Variants in DOK6 observed in about 807,000 individuals in gnomAD.
DOK6 encodes docking protein 6.
DOK6 carries 22 observed loss-of-function variants against 44.0 expected under a neutral mutation model. That is an observed-to-expected ratio of 0.50 (90% CI 0.36 to 0.71). The LOEUF (loss-of-function observed/expected upper bound fraction) is 0.71. Among genes scored for constraint, DOK6 ranks in the 30% least tolerant of loss-of-function variants. The pLI, the probability that DOK6 is intolerant of heterozygous loss-of-function variation, is 0.00. For missense variants in DOK6, 340 were observed against 416.4 expected (o/e 0.82, Z 1.60); for synonymous variants, 166 against 145.5 (o/e 1.14, Z -1.01).
Position 69,669,409 on chromosome 18 carries a change from C to T in DOK6, c.290-8325C>T, listed in dbSNP as rs568344681. ...TAGGATACTAGCCTCCAGCTGCATC[C>T]ATGCTGCTACAAAGGACATCATTTT... On this transcript the variant is annotated intron_variant, in intron 3 of 7. Coordinates refer to ENST00000382713, the MANE Select transcript of DOK6 (RefSeq NM_152721.6). Among the ~76,000 whole-genome samples, 36 of 152,016 alleles carry T rather than the reference C, an allele frequency of 2.4e-4. No individual in the cohort carries two copies. The South Asian group carries it at 6.6e-3, about 28-fold the overall frequency.
chr18:69,661,362 G>A (rs78451993), intron 3 of DOK6: 10,411 of 152,156 alleles, frequency 0.068, 445 homozygotes, highest in Admixed American at 0.11. Context: ...CATCAACAAC[G>A]GCCTCACATC....
intron 1 of DOK6, among the ~76,000 whole-genome samples, chr18:69,514,527 A>G (rs1427828724): frequency 6.6e-6 from 1 of 151,888 alleles, no homozygotes; most frequent in African/African-American, 2.4e-5. Flanking sequence ...TCTGATTCAT[A>G]TAGGAACTTT....
At chr18:69,528,701 T>TA (rs1981903287) in intron 1 of DOK6, among the ~76,000 whole-genome samples, 1 of 152,242 alleles carries the variant, frequency 6.6e-6, no homozygotes, top group South Asian at 2.1e-4. Context: ...CCATCATCCA[T>TA]GACGTAGCTC....
At chr18:69,652,070 C>G (rs1985244158) in intron 3 of DOK6, among the ~76,000 whole-genome samples, 1 of 152,114 alleles carries the variant, frequency 6.6e-6, no homozygotes, top group African/African-American at 2.4e-5. Context: ...CTTATGACAG[C>G]AATGGCTCCC....
chr18:69,647,342 T>C (rs1236200490), intron 3 of DOK6: 1 of 152,166 alleles, frequency 6.6e-6, no homozygotes, highest in African/African-American at 2.4e-5. Flanking sequence ...ACTGGCTCTC[T>C]TGGTTGAAGG....
intron 3 of DOK6, among the ~76,000 whole-genome samples, chr18:69,672,194 T>C (rs546728531): frequency 2.4e-4 from 36 of 152,268 alleles, no homozygotes; most frequent in Admixed American, 5.2e-4. Flanking sequence ...AGGAAATAAA[T>C]GCACTTCCTA....
intron 5 of DOK6, among the ~76,000 whole-genome samples, chr18:69,713,248 G>A (rs1181177885): frequency 2.0e-5 from 3 of 152,168 alleles, no homozygotes; most frequent in Non-Finnish European, 4.4e-5. Flanking sequence ...ATTATTCAAC[G>A]AGATCTCAAA....
At chr18:69,582,497 T>C (rs1983394039) in intron 2 of DOK6, among the ~76,000 whole-genome samples, 1 of 152,202 alleles carries the variant, frequency 6.6e-6, no homozygotes, top group Non-Finnish European at 1.5e-5. Flanking sequence ...TATATATTAA[T>C]GACTGTACAA....
At chr18:69,668,797 A>G (rs1985723205) in intron 3 of DOK6, among the ~76,000 whole-genome samples, 1 of 152,190 alleles carries the variant, frequency 6.6e-6, no homozygotes, top group African/African-American at 2.4e-5. Flanking sequence ...TTTATATCTC[A>G]ATCTTTACAA....
intron 1 of DOK6, among the ~76,000 whole-genome samples, chr18:69,511,483 T>C (rs1470860519): frequency 6.6e-6 from 1 of 152,138 alleles, no homozygotes; most frequent in African/African-American, 2.4e-5. Context: ...TCTATAAAAC[T>C]TTACTTCAGT....
At chr18:69,761,840 C>T (rs141455502) in intron 7 of DOK6, among the ~76,000 whole-genome samples, 1 of 152,224 alleles carries the variant, frequency 6.6e-6, no homozygotes, top group African/African-American at 2.4e-5. Context: ...AATATGTTAG[C>T]AGTGGCAGAT....
chr18:69,552,608 C>T (rs1396916766), intron 1 of DOK6, among the ~76,000 whole-genome samples: 2 of 152,198 alleles, frequency 1.3e-5, no homozygotes, highest in Non-Finnish European at 2.9e-5. Flanking sequence ...AGGACTTCCA[C>T]TTCCCATTCT....
chr18:69,667,373 TTC>T (rs1370943484), intron 3 of DOK6, among the ~76,000 whole-genome samples: 2 of 152,192 alleles, frequency 1.3e-5, no homozygotes, highest in Non-Finnish European at 2.9e-5. Flanking sequence ...TGACTCCAAC[TTC>T]TGTTTCTCTT....
chr18:69,422,220 C>T (rs1421909051), intron 1 of DOK6, among the ~76,000 whole-genome samples: 4 of 152,146 alleles, frequency 2.6e-5, no homozygotes, highest in African/African-American at 9.7e-5. Context: ...CCCACCACTA[C>T]AAGAGTTCTG....
chr18:69,764,874 T>G (rs552584910), intron 7 of DOK6, among the ~76,000 whole-genome samples: 17 of 152,300 alleles, frequency 1.1e-4, no homozygotes, highest in African/African-American at 4.1e-4. Flanking sequence ...CACTGATTAA[T>G]ATCCACAGGC....
intron 1 of DOK6, among the ~76,000 whole-genome samples, chr18:69,422,426 A>C (rs1599123495): frequency 6.6e-6 from 1 of 152,336 alleles, no homozygotes; most frequent in East Asian, 1.9e-4. Context: ...CAGGCCAATG[A>C]GTCTAAATAG....
intron 3 of DOK6, among the ~76,000 whole-genome samples, chr18:69,659,141 T>A (rs1343104022): frequency 6.6e-6 from 1 of 152,250 alleles, no homozygotes; most frequent in African/African-American, 2.4e-5. Context: ...TGACAGTGGC[T>A]TCTGGCACCC....
chr18:69,754,448 G>C (rs901237667), intron 6 of DOK6, among the ~76,000 whole-genome samples: 1 of 145,308 alleles, frequency 6.9e-6, no homozygotes, highest in Non-Finnish European at 1.5e-5. Flanking sequence ...ATTGCTTAAA[G>C]TTCATAACAA....
intron 7 of DOK6, among the ~76,000 whole-genome samples, chr18:69,797,240 G>A (rs145524144): frequency 5.3e-4 from 81 of 152,168 alleles, no homozygotes; most frequent in East Asian, 4.8e-3. Flanking sequence ...GATATAACTC[G>A]TCTAAGATTC....
Sources: gnomAD v4.1 joint callset for allele counts (sites outside exome capture counted in the v4.1 genomes callset) on GRCh38, gnomAD v4.1.1 for gene constraint, MANE v1.5 for transcripts, NCBI Gene and HGNC (gene_info 2026-07-23, HGNC 2026-07-21) for gene names.